The following FBXW12 variants were observed in gnomAD, a reference collection of about 807,000 sequenced individuals.
The protein encoded by FBXW12 is F-box/WD repeat-containing protein 12.
FBXW12 carries 43 observed loss-of-function variants against 55.3 expected under a neutral mutation model. The ratio of observed to expected loss-of-function variants is 0.78; its 90% CI spans 0.61 to 1.00. The LOEUF (loss-of-function observed/expected upper bound fraction) is 1.00. Among genes scored for constraint, FBXW12 ranks in the 50% least tolerant of loss-of-function variants. The pLI is 0.00. For missense variants in FBXW12, 524 were observed against 560.5 expected, an observed-to-expected ratio of 0.93 and a Z score of 0.66; for synonymous variants, 184 against 203.8, an observed-to-expected ratio of 0.90 and a Z score of 0.83.
At chr3:48,373,726 G>A (rs2036638223) in intron 4 of FBXW12, 21 bp downstream of exon 4, 1 of 1,598,512 alleles carries the variant, frequency 6.3e-7, no homozygotes, top group Non-Finnish European at 8.6e-7. Context: ...AGGTGCCCTA[G>A]AGGAACATGA....
At chr3:48,381,563 T>C in intron 8 of FBXW12, 137 bp from the exon 9 acceptor site, 1 of 993,382 alleles carries the variant, frequency 1.0e-6, no homozygotes. Context: ...CTACCCTTCA[T>C]TTTCTTCCCC....
chr3:48,394,595 T>C lies in FBXW12; in HGVS notation c.1331T>C (p.Ile444Thr). ...ISSVMCDNASIVLRVRKVSDS... is the reference protein window; with the variant it reads ...ISSVMCDNASTVLRVRKVSDS... The stretch of plus-strand genomic sequence containing the variant: ...AGTGTGATGTGTGATAATGCAAGCA[T>C]AGTACTTAGGGTGAGGAAAGTAAGT... Residue 444 changes from isoleucine (I) to threonine (T), a missense_variant, in exon 11 of 11, where the codon ATA becomes ACA. By Grantham distance (89) the Ile-to-Thr change is moderately conservative. Coordinates refer to ENST00000296438, the MANE Select transcript of FBXW12 (RefSeq NM_207102.2). The C allele has an allele frequency of 6.2e-7, 1 of 1,608,448 alleles. No individual in the cohort carries two copies. The highest frequency in any genetic ancestry group is 1.1e-5 in the South Asian group (1 of 89,994).
rs565384328 is a variant in FBXW12 at position 48,387,356 on chromosome 3, G to T, written c.1295+5271G>T. Among the ~76,000 whole-genome samples the T allele has an allele frequency of 9.8e-4, 147 of 149,910 alleles. 1 individual carries two copies. Among genetic ancestry groups the T allele is most frequent in the African/African-American group, 3.4e-3 (140 of 40,900 alleles). The stretch of plus-strand genomic sequence containing the variant: ...TGTCATTTCTGTGTTTTTTTGTTTT[G>T]GTTTTGGTTTTGTATTTTTTGGTCA... On this transcript the variant is annotated intron_variant, in intron 10 of 10. Coordinates refer to ENST00000296438, the MANE Select transcript of FBXW12 (RefSeq NM_207102.2).
At chr3:48,374,792 C>G (rs2036659807) in intron 4 of FBXW12, among the ~76,000 whole-genome samples, 1 of 44,764 alleles carries the variant, frequency 2.2e-5, no homozygotes, top group African/African-American at 9.0e-5. Flanking sequence ...TTTTTAAAAA[C>G]AGAGTCTCAT....
rs1447650249 is a variant in FBXW12, at chr3:48,394,580, G to A, written c.1316G>A (p.Cys439Tyr). Reference sequence around the variant, plus strand: ...GACAGCTGCATCTCCAGTGTGATGTGTGATAATGCAAGCATAGTACTTAGG... The same window carrying A: ...GACAGCTGCATCTCCAGTGTGATGTATGATAATGCAAGCATAGTACTTAGG... ...TTDSCISSVM[C>Y]DNASIVLRVR... Residue 439 changes from cysteine (C) to tyrosine (Y), a missense_variant, in exon 11 of 11, where the codon TGT becomes TAT. Coordinates refer to ENST00000296438, the MANE Select transcript of FBXW12 (RefSeq NM_207102.2). 5 of 1,603,624 alleles carry A rather than the reference G, an allele frequency of 3.1e-6. No individual in the cohort carries two copies. Among genetic ancestry groups the A allele is most frequent in the South Asian group, 2.2e-5 (2 of 89,300 alleles).
Position 48,373,671 on chromosome 3 carries a change from G to T in FBXW12, c.252G>T (p.Pro84=). The T allele has an allele frequency of 6.2e-7, 1 of 1,614,096 alleles. No individual in the cohort carries two copies. The highest frequency in any genetic ancestry group is 8.5e-7 in the Non-Finnish European group (1 of 1,179,976). Residue 84 remains proline, a synonymous_variant, in exon 4 of 11, where the codon CCG becomes CCT. Coordinates refer to ENST00000296438, the MANE Select transcript of FBXW12 (RefSeq NM_207102.2). ...RKELRLALAQ[P]HNFIYKVTKN... is the part of the protein sequence containing the mutation. ...AGCTTCGGTTGGCATTGGCACAGCCGCATAACTTTATCTACAAAGTAACTA... is the reference window on the plus strand; with the variant it reads ...AGCTTCGGTTGGCATTGGCACAGCCTCATAACTTTATCTACAAAGTAACTA...
In FBXW12 at chr3:48,372,766, A is replaced by G; in HGVS notation, c.-2A>G. 2 of 1,614,222 alleles carry G rather than the reference A, an allele frequency of 1.2e-6. No homozygotes were observed. The highest frequency in any genetic ancestry group is 2.2e-5 in the South Asian group (2 of 91,086). On this transcript the variant is annotated 5_prime_UTR_variant, in exon 2 of 11. An upstream open reading frame in the 5' UTR loses its in-frame stop. Transcript: ENST00000296438. The stretch of plus-strand genomic sequence containing the variant: ...AGTGGATGTGGGTTCAGGCCGCATG[A>G]AATGGAGATCCGATTGCCTGACTTA...
At position 48,378,306 on chromosome 3, in the gene FBXW12, T is replaced by C; in HGVS notation, c.406-11T>C. 4 of 1,610,526 alleles carry C rather than the reference T, an allele frequency of 2.5e-6. No homozygotes were observed. The highest frequency in any genetic ancestry group is 3.4e-6 in the Non-Finnish European group (4 of 1,176,938). ...TCCTTGAACACAGGTCGTGTTACTC[T>C]CGTTTTCTAGGGTACCATGATCTGG... On this transcript the variant is annotated splice_polypyrimidine_tract_variant and intron_variant, in intron 5 of 10. Transcript: ENST00000296438.
At chr3:48,380,520 A>G (rs2036750481) in intron 7 of FBXW12, among the ~76,000 whole-genome samples, 182 bp from the exon 8 acceptor site, 1 of 152,250 alleles carries the variant, frequency 6.6e-6, no homozygotes, top group South Asian at 2.1e-4. Context: ...CAGGAAGAAT[A>G]GGAAGACAGT....
At chr3:48,381,659 ATG>A (rs771757874) in intron 8 of FBXW12, 39 bp from the exon 9 acceptor site, 14 of 1,493,006 alleles carry the variant, frequency 9.4e-6, no homozygotes, top group Admixed American at 6.7e-5. Flanking sequence ...TTACTTCCTT[ATG>A]TGTGTGTGTA....
rs779747256 is a variant in FBXW12, at chr3:48,372,246, T to C, written c.-159T>C. ...CTTTCTCCTCCACTGCAAAGTTAAATGCGAGAAGGTAGAAACCCAGAGGCC... is the reference window on the plus strand; with the variant it reads ...CTTTCTCCTCCACTGCAAAGTTAAACGCGAGAAGGTAGAAACCCAGAGGCC... On this transcript the variant is annotated 5_prime_UTR_variant, in exon 1 of 11. The change abolishes an upstream ATG in the 5' untranslated region. Coordinates refer to ENST00000296438, the MANE Select transcript of FBXW12 (RefSeq NM_207102.2). The C allele has an allele frequency of 1.3e-6, 2 of 1,551,438 alleles. No homozygotes were observed. The highest frequency in any genetic ancestry group is 1.4e-5 in the African/African-American group (1 of 72,996).
chr3:48,376,459 G>T lies in FBXW12; in HGVS notation c.405+987G>T, dbSNP rs558007020. 7.2e-5 allele frequency among the ~76,000 whole-genome samples: 11 copies of T among 152,224 alleles called. No individual in the cohort carries two copies. In the East Asian group the frequency reaches 2.1e-3, roughly 29 times the overall value. On this transcript the variant is annotated intron_variant, in intron 5 of 10. Transcript: ENST00000296438. ...GTTATATTGGCTTTTTCAGAAAGTG[G>T]TCTCTAGCTCAGATGATCTCCAAGG...
chr3:48,380,398 C>A (rs145712789), intron 7 of FBXW12, among the ~76,000 whole-genome samples: 258 of 152,176 alleles, frequency 1.7e-3, no homozygotes, highest in African/African-American at 5.6e-3. Flanking sequence ...TGACTTGTTC[C>A]CCAAGAAGGG....
At chr3:48,390,942 AT>A (rs1188017568) in intron 10 of FBXW12, among the ~76,000 whole-genome samples, 1 of 151,838 alleles carries the variant, frequency 6.6e-6, no homozygotes, top group Non-Finnish European at 1.5e-5. Flanking sequence ...TTCCCGGAGC[AT>A]TTTGGCAGAG....
intron 10 of FBXW12, among the ~76,000 whole-genome samples, chr3:48,387,335 A>G (rs1260218346): frequency 6.6e-6 from 1 of 151,132 alleles, no homozygotes; most frequent in Non-Finnish European, 1.5e-5. Context: ...AATTTGTGTC[A>G]TTTCTGTGTT....
chr3:48,372,400 G>A, intron 1 of FBXW12, 80 bp downstream of exon 1: 1 of 1,481,446 alleles, frequency 6.8e-7, no homozygotes, highest in African/African-American at 1.4e-5. Flanking sequence ...ACTCAGATCT[G>A]ATCAAAGTGA....
At chr3:48,378,555 C>CA (rs1204398557) in intron 6 of FBXW12, 29 bp downstream of exon 6, 9 of 1,574,346 alleles carry the variant, frequency 5.7e-6, no homozygotes, top group Non-Finnish European at 7.8e-6. Flanking sequence ...TAGAGGGGAC[C>CA]AAAAAATCAA....
At chr3:48,380,599 G>T in intron 7 of FBXW12, 103 bp from the exon 8 acceptor site, 1 of 819,084 alleles carries the variant, frequency 1.2e-6, no homozygotes, top group Non-Finnish European at 2.1e-6. Flanking sequence ...ACAAAGCTTT[G>T]GCCACAAGAT....
At chr3:48,392,070 C>G (rs1375975863) in intron 10 of FBXW12, among the ~76,000 whole-genome samples, 1 of 152,118 alleles carries the variant, frequency 6.6e-6, no homozygotes, top group Non-Finnish European at 1.5e-5. Flanking sequence ...TCTGGGCCTT[C>G]TATCCCATTC....
Sources: gnomAD v4.1 joint callset for allele counts (sites outside exome capture counted in the v4.1 genomes callset) on GRCh38, gnomAD v4.1.1 for gene constraint, MANE v1.5 for transcripts, NCBI Gene and HGNC (gene_info 2026-07-23, HGNC 2026-07-21) for gene names.